The following XXYLT1 variants were observed in gnomAD, a reference collection of about 807,000 sequenced individuals.
XXYLT1 encodes xyloside xylosyltransferase 1.
Under a neutral mutation model 28.9 loss-of-function variants are expected in XXYLT1, and 20 were observed. The observed-to-expected ratio is 0.69, with a 90% CI of 0.49 to 1.00. The LOEUF is 1.00. XXYLT1 is among the 50% of genes least tolerant of loss of function. XXYLT1 has a pLI of 0.00. For synonymous variants in XXYLT1, 257 were observed against 253.8 expected, an observed-to-expected ratio of 1.01 and a Z score of -0.12; for missense variants, 542 against 560.1, an observed-to-expected ratio of 0.97 and a Z score of 0.33.
chr3:195,231,862 T>G (rs1484401061), intron 1 of XXYLT1, among the ~76,000 whole-genome samples: 2 of 152,124 alleles, frequency 1.3e-5, no homozygotes, highest in African/African-American at 2.4e-5. Flanking sequence ...CTTTTACTGA[T>G]GTGTCTGTCT....
chr3:195,148,088 G>C (rs1052187569), intron 3 of XXYLT1: 27 of 152,232 alleles, frequency 1.8e-4, no homozygotes, highest in African/African-American at 6.5e-4. Flanking sequence ...TAGCCTGCCC[G>C]GGAGGCAGAG....
intron 3 of XXYLT1, among the ~76,000 whole-genome samples, chr3:195,104,456 G>A (rs76357876): frequency 0.011 from 1,685 of 152,236 alleles, 23 homozygotes; most frequent in African/African-American, 0.038. Flanking sequence ...GGGAGGGGGT[G>A]GGGCAGCAGT....
At chr3:195,110,849 T>TG (rs1350053944) in intron 3 of XXYLT1, among the ~76,000 whole-genome samples, 1 of 145,936 alleles carries the variant, frequency 6.9e-6, no homozygotes, top group African/African-American at 2.5e-5. Context: ...GTGTTGTGTG[T>TG]GTTGTATAAG....
chr3:195,200,796 C>T (rs913443399), intron 2 of XXYLT1, among the ~76,000 whole-genome samples: 3 of 152,262 alleles, frequency 2.0e-5, no homozygotes, highest in African/African-American at 7.2e-5. Flanking sequence ...CTGTGGGCCA[C>T]AAGAAGGAAT....
chr3:195,211,032 G>A (rs1484128725), intron 2 of XXYLT1, among the ~76,000 whole-genome samples: 1 of 152,194 alleles, frequency 6.6e-6, no homozygotes. Context: ...GGAGTGTTCA[G>A]AGTCCACTGG....
intron 2 of XXYLT1, among the ~76,000 whole-genome samples, chr3:195,193,122 C>T (rs1020194584): frequency 6.6e-6 from 1 of 151,958 alleles, no homozygotes; most frequent in Non-Finnish European, 1.5e-5. Flanking sequence ...CCTGTCTCTA[C>T]TAAAAATACA....
At chr3:195,181,418 T>C (rs1721950526) in intron 2 of XXYLT1, among the ~76,000 whole-genome samples, 1 of 152,240 alleles carries the variant, frequency 6.6e-6, no homozygotes, top group African/African-American at 2.4e-5. Flanking sequence ...TTTTGTTTTT[T>C]CACCTTTGTG....
At chr3:195,260,893 G>A (rs993433351) in intron 1 of XXYLT1, among the ~76,000 whole-genome samples, 3 of 152,218 alleles carry the variant, frequency 2.0e-5, no homozygotes, top group African/African-American at 7.2e-5. Context: ...CGCAGTTTTG[G>A]TTCATATTGA....
At chr3:195,089,291 C>A (rs1715996263) in intron 3 of XXYLT1, among the ~76,000 whole-genome samples, 1 of 152,058 alleles carries the variant, frequency 6.6e-6, no homozygotes, top group Non-Finnish European at 1.5e-5. Flanking sequence ...GTCGGGTTAC[C>A]CACAAAGGGA....
intron 3 of XXYLT1, among the ~76,000 whole-genome samples, chr3:195,140,335 A>C (rs1225282638): frequency 6.6e-6 from 1 of 152,150 alleles, no homozygotes; most frequent in Non-Finnish European, 1.5e-5. Context: ...TATTCAACCC[A>C]TGCCCAAATA....
At chr3:195,261,635 G>C (rs746252355) in intron 1 of XXYLT1, among the ~76,000 whole-genome samples, 2 of 152,136 alleles carry the variant, frequency 1.3e-5, no homozygotes, top group Non-Finnish European at 2.9e-5. Flanking sequence ...TAGCGATGTT[G>C]TAACACCTTA....
At chr3:195,254,047 G>A (rs1560177276) in intron 1 of XXYLT1, among the ~76,000 whole-genome samples, 2 of 152,186 alleles carry the variant, frequency 1.3e-5, no homozygotes, top group Non-Finnish European at 2.9e-5. Flanking sequence ...CACCCCCACT[G>A]GGGTGGGGAG....
chr3:195,270,157 T>C (rs1725969691), intron 1 of XXYLT1: 1 of 448,668 alleles, frequency 2.2e-6, no homozygotes, highest in African/African-American at 2.0e-5. Context: ...CCCTCTCCAG[T>C]TGCTCAGGAT....
In XXYLT1 at chr3:195,142,089, A is replaced by G. The variant is rs577216571; in HGVS notation, c.785+14360T>C. On this transcript the variant is annotated intron_variant, in intron 3 of 3. Coordinates refer to ENST00000310380, the MANE Select transcript of XXYLT1 (RefSeq NM_152531.5). ...CTGACCCCAAATATGTAAGCCCTCC[A>G]CAGCCTCTCTCCCCTGCCTTGGTTC... Among the ~76,000 whole-genome samples, 216 of 152,262 alleles carry G rather than the reference A, an allele frequency of 1.4e-3. 1 individual carries two copies. The highest frequency in any genetic ancestry group is 4.8e-3 in the African/African-American group (198 of 41,550).
intron 3 of XXYLT1, among the ~76,000 whole-genome samples, chr3:195,143,871 G>GATATATATATATATAT (rs1334344433): frequency 1.2e-5 from 1 of 81,720 alleles, no homozygotes; most frequent in African/African-American, 4.9e-5. Context: ...TATAGATATA[G>GATATATATATATATAT]ATATATATAT....
intron 3 of XXYLT1, chr3:195,152,849 C>G (rs1720351328): frequency 6.6e-6 from 1 of 152,234 alleles, no homozygotes. Context: ...GTCTGCTTAC[C>G]TAGTCAAGAT....
At position 195,168,261 on chromosome 3, in the gene XXYLT1, G is replaced by A. The variant is rs934765200; in HGVS notation, c.653-11680C>T. 1.3e-5 allele frequency among the ~76,000 whole-genome samples: 2 copies of A among 152,148 alleles called. No individual in the cohort carries two copies. Among genetic ancestry groups the A allele is most frequent in the Admixed American group, 1.3e-4 (2 of 15,270 alleles). On this transcript the variant is annotated intron_variant, in intron 2 of 3. Coordinates refer to ENST00000310380, the MANE Select transcript of XXYLT1 (RefSeq NM_152531.5). The surrounding 1 kb of genome is among the most constrained non-coding windows in gnomAD (Gnocchi z 4.3). ...CCACCCTGTGATTCTGAACAGGAATGGTCTTTGCCCCTCACTCATACCTTG... is the reference window on the plus strand; with the variant it reads ...CCACCCTGTGATTCTGAACAGGAATAGTCTTTGCCCCTCACTCATACCTTG...
At chr3:195,119,664 AGAG>A (rs35087330) in intron 3 of XXYLT1, among the ~76,000 whole-genome samples, 78,086 of 151,636 alleles carry the variant, frequency 0.51, 20,824 homozygotes, top group Middle Eastern at 0.56. Context: ...CCCCCAGATG[AGAG>A]GAGGCCTCCG....
At chr3:195,212,619 CAAAG>C (rs1723373276) in intron 2 of XXYLT1, among the ~76,000 whole-genome samples, 1 of 152,196 alleles carries the variant, frequency 6.6e-6, no homozygotes, top group Non-Finnish European at 1.5e-5. Context: ...ATCAGATTCT[CAAAG>C]AAACACAAAC....
Sources: allele counts gnomAD v4.1 joint callset (sites outside exome capture counted in the v4.1 genomes callset), GRCh38; gene constraint gnomAD v4.1.1; non-coding constraint Gnocchi (gnomAD v3.1); transcripts MANE v1.5; gene names NCBI Gene and HGNC (gene_info 2026-07-23, HGNC 2026-07-21).